The following ERC1 variants were observed in gnomAD, a reference collection of about 807,000 sequenced individuals.
The protein encoded by ERC1 is RAB6 interacting protein 2.
ERC1 carries 56 observed loss-of-function variants against 132.0 expected under a neutral mutation model. The observed-to-expected ratio is 0.42, with a 90% CI of 0.34 to 0.53. The LOEUF (loss-of-function observed/expected upper bound fraction) is 0.53. Ranked by LOEUF, ERC1 falls within the 20% of genes least tolerant of loss-of-function variation. ERC1 has a pLI of 0.03. For missense variants in ERC1, 1,202 were observed against 1,349.9 expected, an observed-to-expected ratio of 0.89 and a Z score of 1.72; for synonymous variants, 478 against 476.1, an observed-to-expected ratio of 1.00 and a Z score of -0.05.
intron 18 of ERC1, among the ~76,000 whole-genome samples, chr12:1,450,119 T>C (rs1243872814): frequency 6.6e-6 from 1 of 152,246 alleles, no homozygotes; most frequent in African/African-American, 2.4e-5. Context: ...CCATAGTACA[T>C]TGTTACTGTT....
At chr12:1,210,346 A>G (rs57389981) in intron 12 of ERC1, among the ~76,000 whole-genome samples, 65,424 of 152,038 alleles carry the variant, frequency 0.43, 15,812 homozygotes, top group African/African-American at 0.66. Flanking sequence ...TGTGTACGTC[A>G]GGATTGCTCT....
At chr12:1,055,161 TTTCTTTCCTTTTTCTTTC>T (rs920236583) in intron 2 of ERC1, among the ~76,000 whole-genome samples, 3 of 152,108 alleles carry the variant, frequency 2.0e-5, no homozygotes, top group African/African-American at 7.2e-5. Flanking sequence ...CCTTTCCTTT[TTTCTTTCCTTTTTCTTTC>T]TTCTTTCCTT....
chr12:1,337,818 T>C (rs1046297763), intron 15 of ERC1, among the ~76,000 whole-genome samples: 13 of 152,216 alleles, frequency 8.5e-5, no homozygotes, highest in African/African-American at 3.1e-4. Context: ...TGTCCAGATA[T>C]GAAATTCTGG....
intron 1 of ERC1, chr12:991,879 G>A (rs1159120910): frequency 6.6e-6 from 1 of 151,564 alleles, no homozygotes; most frequent in African/African-American, 2.4e-5. Flanking sequence ...TCAAAAGGAC[G>A]ATGAGCTGTG....
chr12:1,413,128 A>T (rs1014298150), intron 17 of ERC1, among the ~76,000 whole-genome samples: 3 of 152,230 alleles, frequency 2.0e-5, no homozygotes, highest in Non-Finnish European at 4.4e-5. Flanking sequence ...TCCTTTGGGA[A>T]AACACCTTGA....
intron 14 of ERC1, among the ~76,000 whole-genome samples, chr12:1,281,331 C>CAA (rs1435296153): frequency 6.8e-6 from 1 of 147,012 alleles, no homozygotes; most frequent in African/African-American, 2.5e-5. Flanking sequence ...CCTAGCAAAG[C>CAA]AAAAAAAAAA....
intron 1 of ERC1, among the ~76,000 whole-genome samples, chr12:1,000,778 G>A (rs1962091989): frequency 6.6e-6 from 1 of 152,052 alleles, no homozygotes; most frequent in Non-Finnish European, 1.5e-5. Context: ...AAAAAATTAA[G>A]TGTCTGAAAT....
chr12:1,191,413 A>G (rs995329440), intron 12 of ERC1, among the ~76,000 whole-genome samples: 10 of 152,226 alleles, frequency 6.6e-5, no homozygotes, highest in Non-Finnish European at 1.3e-4. Flanking sequence ...CATAGATACA[A>G]AAATGCGGTG....
chr12:1,095,395 A>G (rs1335739893), intron 3 of ERC1, among the ~76,000 whole-genome samples: 1 of 53,898 alleles, frequency 1.9e-5, no homozygotes, highest in African/African-American at 4.9e-5. Flanking sequence ...GTGCCACTGC[A>G]CCAAAAAAAA....
intron 18 of ERC1, among the ~76,000 whole-genome samples, chr12:1,449,442 T>C (rs148899081): frequency 0.012 from 1,865 of 152,172 alleles, 47 homozygotes; most frequent in African/African-American, 0.043. Context: ...GGTAATAGAA[T>C]CATGGAGGTT....
intron 18 of ERC1, among the ~76,000 whole-genome samples, chr12:1,460,651 C>T (rs572955619): frequency 1.3e-5 from 2 of 152,062 alleles, no homozygotes; most frequent in South Asian, 4.2e-4. Context: ...TGGAGAGAAG[C>T]TACTCAGTTG....
At chr12:1,442,540 T>A (rs2093186205) in intron 17 of ERC1, among the ~76,000 whole-genome samples, 1 of 152,222 alleles carries the variant, frequency 6.6e-6, no homozygotes, top group Non-Finnish European at 1.5e-5. Flanking sequence ...AATTGATTAA[T>A]TTTCTCTGGT....
chr12:1,213,893 ACT>A (rs982274176), intron 12 of ERC1, among the ~76,000 whole-genome samples: 1 of 151,806 alleles, frequency 6.6e-6, no homozygotes, highest in Non-Finnish European at 1.5e-5. Context: ...ACAGAATGAG[ACT>A]CTGTCTCCAA....
At chr12:1,014,735 T>C (rs1965246315) in intron 1 of ERC1, among the ~76,000 whole-genome samples, 1 of 152,136 alleles carries the variant, frequency 6.6e-6, no homozygotes, top group South Asian at 2.1e-4. Flanking sequence ...ATCTTAGATA[T>C]AGATATTTAC....
intron 8 of ERC1, among the ~76,000 whole-genome samples, chr12:1,154,871 A>G (rs1951218712): frequency 6.6e-6 from 1 of 152,180 alleles, no homozygotes. Flanking sequence ...ACCCTACCCC[A>G]TCCAGAAGGG....
intron 15 of ERC1, among the ~76,000 whole-genome samples, chr12:1,333,399 G>A (rs897778580): frequency 6.9e-5 from 10 of 144,774 alleles, no homozygotes; most frequent in African/African-American, 1.8e-4. Context: ...GTGGCGCGAC[G>A]TCGGCTCACT....
intron 2 of ERC1, among the ~76,000 whole-genome samples, chr12:1,063,272 A>G (rs943433386): frequency 1.5e-4 from 23 of 148,846 alleles, no homozygotes; most frequent in African/African-American, 5.2e-4. Context: ...TTATTTATTT[A>G]GTTTTTGAGA....
chr12:1,202,881 C>T (rs1425624576), intron 12 of ERC1, among the ~76,000 whole-genome samples: 1 of 152,154 alleles, frequency 6.6e-6, no homozygotes, highest in African/African-American at 2.4e-5. Context: ...GTGTCACAAC[C>T]AATGAGATAG....
chr12:1,062,617 C>T (rs567135903), intron 2 of ERC1, among the ~76,000 whole-genome samples: 157 of 152,300 alleles, frequency 1.0e-3, no homozygotes, highest in African/African-American at 3.3e-3. Flanking sequence ...AGACTTGTTT[C>T]GTGGCCTAAC....
Sources: allele counts gnomAD v4.1 joint callset (sites outside exome capture counted in the v4.1 genomes callset), GRCh38; gene constraint gnomAD v4.1.1; transcripts MANE v1.5; gene names NCBI Gene and HGNC (gene_info 2026-07-23, HGNC 2026-07-21).